The following SNX29 variants were observed in gnomAD, a reference collection of about 807,000 sequenced individuals.
SNX29 encodes sorting nexin 29, also known as sorting nexin-29.
A neutral mutation model predicts 102.1 loss-of-function variants in SNX29; 78 were observed. The ratio of observed to expected loss-of-function variants is 0.76; its 90% CI spans 0.64 to 0.92. The LOEUF (loss-of-function observed/expected upper bound fraction) is 0.92. SNX29 is among the 40% of genes least tolerant of loss of function. SNX29 has a pLI of 0.00. For missense variants in SNX29, 1,280 were observed against 1,061.7 expected (o/e 1.21, Z -2.86); for synonymous variants, 580 against 414.5 (o/e 1.40, Z -4.85).
intron 18 of SNX29, among the ~76,000 whole-genome samples, chr16:12,453,693 C>A (rs967674840): frequency 6.6e-6 from 1 of 152,134 alleles, no homozygotes; most frequent in Non-Finnish European, 1.5e-5. Flanking sequence ...AGTAATTGTT[C>A]CTTTTCTTGC....
At chr16:12,218,211 T>A (rs1467199557) in intron 14 of SNX29, among the ~76,000 whole-genome samples, 2 of 152,250 alleles carry the variant, frequency 1.3e-5, no homozygotes, top group Admixed American at 6.5e-5. Flanking sequence ...TTTTTAAAAA[T>A]GAGTAATATA....
Position 12,568,807 on chromosome 16 carries a change from G to A in SNX29, c.*178G>A. The A allele has an allele frequency of 9.8e-7, 1 of 1,021,120 alleles. No individual in the cohort carries two copies. Among genetic ancestry groups the A allele is most frequent in the Non-Finnish European group, 1.4e-6 (1 of 721,610 alleles). The allele number at this position is 1,021,120 out of a possible 1,614,324, so 63.3% of individuals were successfully genotyped here. Reference sequence around the variant, plus strand: ...AAACTAATCAGTCTTCGAGCCGCATGATACCGTGACCCGAGAGACCAAGGC... The same window carrying A: ...AAACTAATCAGTCTTCGAGCCGCATAATACCGTGACCCGAGAGACCAAGGC... On this transcript the variant is annotated 3_prime_UTR_variant, in exon 21 of 21. Coordinates refer to ENST00000566228, the MANE Select transcript of SNX29 (RefSeq NM_032167.5).
intron 14 of SNX29, among the ~76,000 whole-genome samples, chr16:12,251,596 G>C (rs967971654): frequency 1.3e-5 from 2 of 152,056 alleles, no homozygotes; most frequent in Non-Finnish European, 2.9e-5. Context: ...CCAGCTACTC[G>C]GGAGGCTGAG....
intron 14 of SNX29, among the ~76,000 whole-genome samples, chr16:12,248,902 G>A (rs980547726): frequency 2.0e-5 from 3 of 152,126 alleles, no homozygotes; most frequent in African/African-American, 4.8e-5. Context: ...ATTCTCTGCC[G>A]AGTCTTAGTG....
At chr16:12,054,480 C>T (rs2050438013) in intron 8 of SNX29, among the ~76,000 whole-genome samples, 1 of 152,224 alleles carries the variant, frequency 6.6e-6, no homozygotes, top group Non-Finnish European at 1.5e-5. Context: ...GGGTGGACCT[C>T]ATCCAATCCA....
intron 13 of SNX29, among the ~76,000 whole-genome samples, chr16:12,133,110 G>GGT (rs886753490): frequency 3.9e-5 from 6 of 151,948 alleles, no homozygotes; most frequent in African/African-American, 1.2e-4. Context: ...GCTTTCCTCA[G>GGT]GTGTGTGTGT....
intron 18 of SNX29, among the ~76,000 whole-genome samples, chr16:12,441,607 C>A (rs1745779242): frequency 6.6e-6 from 1 of 152,116 alleles, no homozygotes; most frequent in Non-Finnish European, 1.5e-5. Flanking sequence ...TCCTTTGAAG[C>A]ACAAAAGTTT....
intron 14 of SNX29, among the ~76,000 whole-genome samples, chr16:12,268,918 T>C (rs542893051): frequency 2.0e-5 from 3 of 152,174 alleles, no homozygotes; most frequent in Admixed American, 2.0e-4. Flanking sequence ...CTACCTATTT[T>C]AGACGACTTA....
chr16:12,546,726 A>C (rs2077628266), intron 20 of SNX29: 2 of 152,060 alleles, frequency 1.3e-5, no homozygotes, highest in South Asian at 2.1e-4. Flanking sequence ...TGACTAGAAA[A>C]CTAAGAAGAT....
At chr16:12,456,504 C>T (rs1597442658) in intron 18 of SNX29, among the ~76,000 whole-genome samples, 1 of 140,590 alleles carries the variant, frequency 7.1e-6, no homozygotes, top group South Asian at 2.3e-4. Flanking sequence ...GGCATGTGTG[C>T]ACGTGTGTGT....
At chr16:12,189,937 C>T (rs183710007) in intron 13 of SNX29, among the ~76,000 whole-genome samples, 1 of 152,224 alleles carries the variant, frequency 6.6e-6, no homozygotes, top group East Asian at 1.9e-4. Context: ...CCCAGTCCAA[C>T]ATCACCATTG....
Position 12,497,186 on chromosome 16 carries a change from G to A in SNX29, c.2178+19327G>A, listed in dbSNP as rs76010560. 9.9e-3 allele frequency among the ~76,000 whole-genome samples: 1,501 copies of A among 152,320 alleles called. 29 individuals carry two copies. Among genetic ancestry groups the A allele is most frequent in the African/African-American group, 0.035 (1,443 of 41,578 alleles). ...CACCTGGCTGCAACCAAGATCCTAA[G>A]GCATCTTAAGAGTTCTTGGCAGAAA... On this transcript the variant is annotated intron_variant, in intron 19 of 20. Coordinates refer to ENST00000566228, the MANE Select transcript of SNX29 (RefSeq NM_032167.5).
intron 14 of SNX29, among the ~76,000 whole-genome samples, chr16:12,250,196 C>T (rs1234436577): frequency 1.3e-5 from 2 of 152,176 alleles, no homozygotes; most frequent in Non-Finnish European, 2.9e-5. Context: ...TGTGCAAAGG[C>T]CCAGAGACAA....
intron 18 of SNX29, among the ~76,000 whole-genome samples, chr16:12,410,787 A>G (rs2084366854): frequency 6.6e-6 from 1 of 152,230 alleles, no homozygotes; most frequent in Non-Finnish European, 1.5e-5. Flanking sequence ...TATGTAATGC[A>G]GGGAAAGCGT....
chr16:12,085,772 A>T (rs13380479), intron 11 of SNX29, among the ~76,000 whole-genome samples: 164 of 152,260 alleles, frequency 1.1e-3, no homozygotes, highest in African/African-American at 3.5e-3. Flanking sequence ...AAGCATTTTT[A>T]TTTATGTTTT....
intron 7 of SNX29, among the ~76,000 whole-genome samples, chr16:12,050,874 A>T (rs1157669982): frequency 6.7e-6 from 1 of 150,200 alleles, no homozygotes; most frequent in Non-Finnish European, 1.5e-5. Flanking sequence ...ACCACGCCCA[A>T]CTAATTTTTT....
At chr16:12,240,585 CT>C (rs1180028807) in intron 14 of SNX29, among the ~76,000 whole-genome samples, 67 of 64,796 alleles carry the variant, frequency 1.0e-3, no homozygotes, top group African/African-American at 2.7e-3. Context: ...TTTGTCATTT[CT>C]TTTTTTTTTT....
chr16:12,168,597 T>C (rs890371237), intron 13 of SNX29, among the ~76,000 whole-genome samples: 1 of 152,196 alleles, frequency 6.6e-6, no homozygotes, highest in Non-Finnish European at 1.5e-5. Flanking sequence ...GCCTTGGCCG[T>C]AGCACAGGGG....
At chr16:12,508,716 A>G (rs1456241105) in intron 19 of SNX29, among the ~76,000 whole-genome samples, 1 of 151,920 alleles carries the variant, frequency 6.6e-6, no homozygotes, top group Admixed American at 6.6e-5. Context: ...GGGGTGTTTG[A>G]TTCACTCCAG....
Sources: gnomAD v4.1 joint callset for allele counts (sites outside exome capture counted in the v4.1 genomes callset) on GRCh38, gnomAD v4.1.1 for gene constraint, MANE v1.5 for transcripts, NCBI Gene and HGNC (gene_info 2026-07-23, HGNC 2026-07-21) for gene names.